SERPINI1: variants seen among roughly 807,000 people sequenced by gnomAD.
SERPINI1 encodes serpin family I member 1.
In SERPINI1, 19 loss-of-function variants were observed where a neutral mutation model predicts 41.1. The observed-to-expected ratio is 0.46, with a 90% CI of 0.32 to 0.68. SERPINI1 has a LOEUF of 0.68. Ranked by LOEUF, SERPINI1 falls within the 30% of genes least tolerant of loss-of-function variation. SERPINI1 has a pLI of 0.03. For synonymous variants in SERPINI1, 138 were observed against 156.6 expected (o/e 0.88, Z 0.89); for missense variants, 460 against 479.2 (o/e 0.96, Z 0.37).
chr3:167,816,739 A>T (rs557908759), intron 6 of SERPINI1, among the ~76,000 whole-genome samples: 9 of 152,134 alleles, frequency 5.9e-5, no homozygotes, highest in African/African-American at 1.2e-4. Flanking sequence ...GATCAGATCT[A>T]CTTTAGTGAT....
intron 4 of SERPINI1, 43 bp downstream of exon 4, chr3:167,792,827 T>C (rs1727577376): frequency 2.7e-6 from 4 of 1,464,588 alleles, no homozygotes; most frequent in Non-Finnish European, 2.9e-6. Flanking sequence ...TTGCAGAATA[T>C]CAACAGATTT....
intron 1 of SERPINI1, among the ~76,000 whole-genome samples, chr3:167,772,893 T>TATATATATATATACAC (rs1391850018): frequency 3.1e-4 from 16 of 52,228 alleles, no homozygotes; most frequent in African/African-American, 8.3e-4. Context: ...TATATATATA[T>TATATATATATATACAC]ACACACACAC....
At chr3:167,814,920 C>CT (rs1405264049) in intron 6 of SERPINI1, among the ~76,000 whole-genome samples, 6 of 152,152 alleles carry the variant, frequency 3.9e-5, no homozygotes, top group Admixed American at 3.9e-4. Context: ...GAAAAGGCTG[C>CT]TTGGTGCCAG....
At chr3:167,763,357 T>TTGTGTGTGTGTGTGTGTGTG (rs35578479) in intron 1 of SERPINI1, among the ~76,000 whole-genome samples, 3 of 147,636 alleles carry the variant, frequency 2.0e-5, no homozygotes, top group African/African-American at 7.7e-5. Context: ...AACCACAGTT[T>TTGTGTGTGTGTGTGTGTGTG]TGTGTGTGTG....
intron 6 of SERPINI1, among the ~76,000 whole-genome samples, chr3:167,822,574 A>T (rs73036889): frequency 0.12 from 17,530 of 152,048 alleles, 1,319 homozygotes; most frequent in African/African-American, 0.2. Context: ...ATATTAGGTT[A>T]AAAAAGGAAA....
intron 5 of SERPINI1, among the ~76,000 whole-genome samples, 155 bp downstream of exon 5, chr3:167,794,979 T>C (rs563907071): frequency 1.8e-4 from 26 of 142,668 alleles, no homozygotes; most frequent in Admixed American, 1.3e-3. Flanking sequence ...TCCTTCTCCT[T>C]CTTCTTTGAT....
intron 5 of SERPINI1, among the ~76,000 whole-genome samples, chr3:167,797,197 A>G (rs942297487): frequency 1.3e-5 from 2 of 151,982 alleles, no homozygotes; most frequent in Admixed American, 1.3e-4. Context: ...CTACTTTTTA[A>G]TGTGATTGTT....
intron 1 of SERPINI1, among the ~76,000 whole-genome samples, chr3:167,772,875 T>C (rs1315360137): frequency 1.6e-5 from 1 of 62,436 alleles, no homozygotes; most frequent in Admixed American, 1.8e-4. Context: ...TATATATATA[T>C]ATATATATAT....
Position 167,790,455 on chromosome 3 carries a change from T to G in SERPINI1, c.334T>G (p.Leu112Val). ...ATATGTGATGAAAATTGCCAATTCC[T>G]TGTTTGTGCAAAATGGATTTCATGT... Reference protein sequence around the residue: ...SQYVMKIANSLFVQNGFHVNE... With the variant: ...SQYVMKIANSVFVQNGFHVNE... Residue 112 changes from leucine to valine, a missense_variant, in exon 3 of 9, where the codon TTG (leucine) becomes GTG (valine). Leu to Val is a conservative substitution (Grantham distance 32). Transcript: ENST00000446050. 1 of 1,614,074 alleles carries G rather than the reference T, an allele frequency of 6.2e-7. No homozygotes were observed. Among genetic ancestry groups the G allele is most frequent in the Non-Finnish European group, 8.5e-7 (1 of 1,179,936 alleles).
intron 1 of SERPINI1, among the ~76,000 whole-genome samples, chr3:167,745,362 C>G (rs1323107206): frequency 6.6e-6 from 1 of 151,976 alleles, no homozygotes; most frequent in Non-Finnish European, 1.5e-5. Flanking sequence ...AACACACTTT[C>G]ATGATAAAAA....
chr3:167,739,101 TTTG>T (rs1390166382), intron 1 of SERPINI1, among the ~76,000 whole-genome samples: 1 of 151,328 alleles, frequency 6.6e-6, no homozygotes, highest in Non-Finnish European at 1.5e-5. Flanking sequence ...GAGAGATTTT[TTTG>T]TTGTTTCTTT....
At chr3:167,737,040 G>T (rs965658692) in intron 1 of SERPINI1, among the ~76,000 whole-genome samples, 3 of 151,738 alleles carry the variant, frequency 2.0e-5, no homozygotes, top group Non-Finnish European at 4.4e-5. Flanking sequence ...TCAATAAAAT[G>T]GAGTAATTGT....
intron 1 of SERPINI1, among the ~76,000 whole-genome samples, chr3:167,753,277 G>C (rs958678403): frequency 6.6e-6 from 1 of 152,114 alleles, no homozygotes; most frequent in African/African-American, 2.4e-5. Flanking sequence ...TCTCAAAGCA[G>C]TTATTTTGTC....
At chr3:167,822,193 A>G (rs181513726) in intron 6 of SERPINI1, among the ~76,000 whole-genome samples, 39 of 152,288 alleles carry the variant, frequency 2.6e-4, no homozygotes, top group Non-Finnish European at 4.7e-4. Context: ...TCCTCTCCTT[A>G]TAAGAACGCT....
intron 7 of SERPINI1, among the ~76,000 whole-genome samples, chr3:167,823,713 T>G (rs1406400826): frequency 6.6e-6 from 1 of 152,196 alleles, no homozygotes; most frequent in Admixed American, 6.5e-5. Flanking sequence ...TATTTAACTG[T>G]ATTTTCGTAC....
chr3:167,781,834 T>A (rs904262716), intron 1 of SERPINI1, among the ~76,000 whole-genome samples: 5 of 151,992 alleles, frequency 3.3e-5, no homozygotes, highest in African/African-American at 1.2e-4. Flanking sequence ...ACCAGGGAAG[T>A]TAAAAAACAC....
chr3:167,807,217 A>C (rs550206677), intron 5 of SERPINI1, 27 bp from the exon 6 acceptor site: 2 of 1,447,334 alleles, frequency 1.4e-6, no homozygotes, highest in Admixed American at 3.4e-5. Flanking sequence ...CTCTAACTAA[A>C]TATTTTTCTC....
chr3:167,792,575 T>A lies in SERPINI1; in HGVS notation c.482-15T>A. 1 of 1,607,984 alleles carries A rather than the reference T, an allele frequency of 6.2e-7. No homozygotes were observed. Among genetic ancestry groups the A allele is most frequent in the Non-Finnish European group, 8.5e-7 (1 of 1,175,310 alleles). ...TTTAACATGAATTTTTATCTATTCA[T>A]TTTTTCCTAAATAGATCTGGTGAAA... On this transcript the variant is annotated splice_polypyrimidine_tract_variant and intron_variant, in intron 3 of 8. Coordinates refer to ENST00000446050, the MANE Select transcript of SERPINI1 (RefSeq NM_001122752.2).
At chr3:167,823,112 T>C in intron 7 of SERPINI1, 40 bp downstream of exon 7, 1 of 1,359,280 alleles carries the variant, frequency 7.4e-7, no homozygotes, top group Non-Finnish European at 1.1e-6. Context: ...TCTAGATTTG[T>C]ATTTTTAGAG....
Sources: gnomAD v4.1 joint callset for allele counts (sites outside exome capture counted in the v4.1 genomes callset) on GRCh38, gnomAD v4.1.1 for gene constraint, MANE v1.5 for transcripts, NCBI Gene and HGNC (gene_info 2026-07-23, HGNC 2026-07-21) for gene names.